SLC5A7: variants seen among roughly 807,000 people sequenced by gnomAD.
SLC5A7 encodes high affinity choline transporter 1.
A neutral mutation model predicts 55.4 loss-of-function variants in SLC5A7; 19 were observed. The observed-to-expected ratio is 0.34, with a 90% CI of 0.24 to 0.50. The LOEUF is 0.50. Among genes scored for constraint, SLC5A7 ranks in the 20% least tolerant of loss-of-function variants. The pLI, the probability that SLC5A7 is intolerant of heterozygous loss-of-function variation, is 0.98. For synonymous variants in SLC5A7, 265 were observed against 263.7 expected (o/e 1.00, Z -0.05); for missense variants, 506 against 705.3 (o/e 0.72, Z 3.20).
Position 107,988,222 on chromosome 2 carries a change from A to G in SLC5A7, c.67A>G (p.Ile23Val). The stretch of plus-strand genomic sequence containing the variant: ...CTACCTTCTAATTTTGCTGGTTGGA[A>G]TATGGGCTGCCTGGAGAACCAAAAA... ...VFYLLILLVG[I>V]WAAWRTKNSG... is the part of the protein sequence containing the mutation. Residue 23 changes from isoleucine (I) to valine (V), a missense_variant, in exon 2 of 9, where the codon ATA (isoleucine) becomes GTA (valine). This residue lies in a region of SLC5A7 where 56 missense variants were observed against 62.6 expected (regional missense o/e 0.89). Transcript: ENST00000264047. 1 of 1,614,214 alleles carries G rather than the reference A, an allele frequency of 6.2e-7. No homozygotes were observed. The highest frequency in any genetic ancestry group is 8.5e-7 in the Non-Finnish European group (1 of 1,180,014).
chr2:107,999,277 G>A (rs1677794296), intron 5 of SLC5A7, among the ~76,000 whole-genome samples: 1 of 152,172 alleles, frequency 6.6e-6, no homozygotes, highest in South Asian at 2.1e-4. Context: ...AAATAAAATA[G>A]GGAACATAGA....
At position 108,011,052 on chromosome 2, in the gene SLC5A7, G is replaced by A; in HGVS notation, c.*191G>A. 2.0e-6 allele frequency: 1 copy of A among 491,804 alleles called. No individual in the cohort carries two copies. Among genetic ancestry groups the A allele is most frequent in the Non-Finnish European group, 3.3e-6 (1 of 299,432 alleles). The allele number at this position is 491,804 out of a possible 1,614,324, so 30.5% of individuals were successfully genotyped here. A position where few individuals can be genotyped will look rare whatever the true frequency, so the allele number is the denominator to read the frequency against. ...AAGCACCTATGAAAGCAACAACTTT[G>A]TTTCTCATCCATAGTAGTATTGATT... On this transcript the variant is annotated 3_prime_UTR_variant, in exon 9 of 9. Transcript: ENST00000264047.
At chr2:107,986,985 G>A (rs898962531) in intron 1 of SLC5A7, among the ~76,000 whole-genome samples, 1 of 152,124 alleles carries the variant, frequency 6.6e-6, no homozygotes, top group African/African-American at 2.4e-5. Flanking sequence ...AGGCCGCAGG[G>A]GGCCGGGAGA....
chr2:108,004,041 T>A (rs986381450), intron 6 of SLC5A7, among the ~76,000 whole-genome samples: 1 of 152,180 alleles, frequency 6.6e-6, no homozygotes. Flanking sequence ...TCCACCCTCA[T>A]GACCTGATTA....
intron 8 of SLC5A7, 143 bp from the exon 9 acceptor site, chr2:108,010,089 G>A: frequency 1.1e-6 from 1 of 941,576 alleles, no homozygotes; most frequent in Admixed American, 2.9e-5. Context: ...TGCTGTAGCT[G>A]TAGTTGGTTT....
At chr2:107,989,502 G>A (rs1011594285) in intron 2 of SLC5A7, among the ~76,000 whole-genome samples, 8 of 152,244 alleles carry the variant, frequency 5.3e-5, no homozygotes, top group Admixed American at 6.5e-5. Flanking sequence ...TCTACTGTAC[G>A]TGGACTCATT....
chr2:108,006,295 A>G, intron 7 of SLC5A7, 93 bp downstream of exon 7: 1 of 1,417,484 alleles, frequency 7.1e-7, no homozygotes, highest in Non-Finnish European at 9.8e-7. Flanking sequence ...TCCTCCACAT[A>G]GTGAATTCTT....
intron 1 of SLC5A7, among the ~76,000 whole-genome samples, chr2:107,987,232 A>C (rs899098160): frequency 8.5e-5 from 13 of 152,130 alleles, no homozygotes; most frequent in Non-Finnish European, 1.5e-4. Context: ...AAATAAAAAT[A>C]AAAATAAAAG....
intron 6 of SLC5A7, 137 bp downstream of exon 6, chr2:108,002,177 G>T: frequency 9.5e-7 from 1 of 1,050,488 alleles, no homozygotes; most frequent in Non-Finnish European, 1.4e-6. Context: ...TCTCTATCGG[G>T]AGGGTGGAGC....
In SLC5A7 at chr2:108,012,316, T is replaced by C. The variant is rs1286761880; in HGVS notation, c.*1455T>C. ...GCTGAAAAGTGATCAGGGAATCTGA[T>C]CCCATAAAGAAAGTGAGTCTGAATT... On this transcript the variant is annotated 3_prime_UTR_variant, in exon 9 of 9. Coordinates refer to ENST00000264047, the MANE Select transcript of SLC5A7 (RefSeq NM_021815.5). 2 of 152,108 alleles carry C rather than the reference T, an allele frequency of 1.3e-5. No individual in the cohort carries two copies. Among genetic ancestry groups the C allele is most frequent in the Non-Finnish European group, 2.9e-5 (2 of 68,002 alleles). 9.4% of individuals were successfully genotyped at this position (152,108 alleles called of 1,614,324 possible). A position where few individuals can be genotyped will look rare whatever the true frequency, so the allele number is the denominator to read the frequency against.
At chr2:107,991,267 A>AT (rs920916166) in intron 2 of SLC5A7, among the ~76,000 whole-genome samples, 2 of 152,182 alleles carry the variant, frequency 1.3e-5, no homozygotes, top group African/African-American at 4.8e-5. Context: ...TGAATAAGAC[A>AT]TTTTTCATTA....
intron 8 of SLC5A7, among the ~76,000 whole-genome samples, chr2:108,009,863 G>A (rs1678249465): frequency 6.6e-6 from 1 of 152,172 alleles, no homozygotes; most frequent in African/African-American, 2.4e-5. Flanking sequence ...GATGGCCTAT[G>A]CTCTGTCAAT....
chr2:108,008,392 T>C (rs1678197464), intron 7 of SLC5A7, 73 bp from the exon 8 acceptor site: 4 of 1,171,224 alleles, frequency 3.4e-6, no homozygotes, highest in South Asian at 2.9e-5. Context: ...ACCTAGTAAA[T>C]AGGATGACCC....
intron 5 of SLC5A7, among the ~76,000 whole-genome samples, chr2:108,001,687 AAAG>A (rs1261437639): frequency 3.3e-5 from 5 of 150,628 alleles, no homozygotes; most frequent in African/African-American, 7.4e-5. Context: ...AAAAAAAAAA[AAAG>A]AAAAGAAATA....
At chr2:107,995,908 C>A (rs1573598246) in intron 4 of SLC5A7, among the ~76,000 whole-genome samples, 2 of 151,934 alleles carry the variant, frequency 1.3e-5, no homozygotes, top group Non-Finnish European at 2.9e-5. Flanking sequence ...TCCTGGTATA[C>A]CTCAAAGTAT....
At chr2:107,999,852 A>C (rs1677815546) in intron 5 of SLC5A7, among the ~76,000 whole-genome samples, 1 of 151,964 alleles carries the variant, frequency 6.6e-6, no homozygotes, top group Admixed American at 6.6e-5. Flanking sequence ...TTTCATTCCC[A>C]GTGTCACTGC....
chr2:108,010,195 CTG>C, intron 8 of SLC5A7, 35 bp from the exon 9 acceptor site: 1 of 1,592,442 alleles, frequency 6.3e-7, no homozygotes, highest in Non-Finnish European at 8.6e-7. Context: ...AGCCAAGACA[CTG>C]TGCAAAAAGC....
Position 108,010,417 on chromosome 2 carries a change from T to C in SLC5A7, c.1299T>C (p.Tyr433=), listed in dbSNP as rs144772225. Residue 433 remains tyrosine (Y), a synonymous_variant, in exon 9 of 9, where the codon TAT becomes TAC. Transcript: ENST00000264047. ...CVLFVKGTNT[Y]GAVAGYVSGL... is the part of the protein sequence containing the mutation. ...TCTTTGTTAAGGGAACCAACACCTA[T>C]GGGGCCGTGGCAGGTTATGTTTCTG... The C allele has an allele frequency of 3.4e-4, 552 of 1,613,882 alleles. No individual in the cohort carries two copies. The highest frequency in any genetic ancestry group is 4.4e-4 in the Non-Finnish European group (518 of 1,179,894).
intron 8 of SLC5A7, 69 bp downstream of exon 8, chr2:108,008,751 T>G (rs369457660): frequency 8.7e-7 from 1 of 1,147,784 alleles, no homozygotes; most frequent in Non-Finnish European, 1.3e-6. Flanking sequence ...TTGTATTTGT[T>G]GTATATACAG....
Sources: gnomAD v4.1 joint callset for allele counts (sites outside exome capture counted in the v4.1 genomes callset) on GRCh38, gnomAD v4.1.1 for gene constraint, gnomAD v4.1.1 regional missense constraint, MANE v1.5 for transcripts, NCBI Gene and HGNC (gene_info 2026-07-23, HGNC 2026-07-21) for gene names.